The following PHKB variants were observed in gnomAD, a reference collection of about 807,000 sequenced individuals.
PHKB encodes phosphorylase b kinase regulatory subunit beta.
In PHKB, 122 loss-of-function variants were observed where a neutral mutation model predicts 152.1. That is an observed-to-expected ratio of 0.80 (90% CI 0.69 to 0.93). PHKB has a LOEUF of 0.93. PHKB is among the 40% of genes least tolerant of loss of function. The probability of loss-of-function intolerance (pLI) is 0.00; values close to 1 mark genes in which losing one functional copy is unlikely to be tolerated. For missense variants in PHKB, 1,304 were observed against 1,328.4 expected, an observed-to-expected ratio of 0.98 and a Z score of 0.29; for synonymous variants, 436 against 464.9, an observed-to-expected ratio of 0.94 and a Z score of 0.80.
chr16:47,555,638 TGA>T (rs1276977792), intron 7 of PHKB, among the ~76,000 whole-genome samples: 1 of 152,244 alleles, frequency 6.6e-6, no homozygotes, highest in Non-Finnish European at 1.5e-5. Context: ...TTTAGTTTCT[TGA>T]GAGTGTCTTG....
chr16:47,523,027 TTCTC>T (rs1970711944), intron 6 of PHKB, among the ~76,000 whole-genome samples: 1 of 151,844 alleles, frequency 6.6e-6, no homozygotes, highest in African/African-American at 2.4e-5. Context: ...TGTGACATCT[TTCTC>T]AGGAGTTCCT....
chr16:47,508,833 C>T (rs926941567), intron 4 of PHKB, among the ~76,000 whole-genome samples: 1 of 152,092 alleles, frequency 6.6e-6, no homozygotes, highest in Non-Finnish European at 1.5e-5. Flanking sequence ...ATACAGCATG[C>T]CCCATTAATC....
At chr16:47,623,931 T>G (rs1360871052) in intron 14 of PHKB, among the ~76,000 whole-genome samples, 2 of 152,204 alleles carry the variant, frequency 1.3e-5, no homozygotes, top group African/African-American at 4.8e-5. Context: ...TTCTGTTGTG[T>G]CCTATACTTC....
chr16:47,529,885 C>T (rs773387249), intron 6 of PHKB: 2 of 152,090 alleles, frequency 1.3e-5, no homozygotes, highest in African/African-American at 4.8e-5. Flanking sequence ...AAAATGGGAA[C>T]ATCCGTTAGT....
intron 1 of PHKB, among the ~76,000 whole-genome samples, chr16:47,479,202 G>A (rs1169403307): frequency 6.6e-6 from 1 of 152,182 alleles, no homozygotes; most frequent in Non-Finnish European, 1.5e-5. Flanking sequence ...GTGGAGAACT[G>A]ATTGTGATTG....
Position 47,588,795 on chromosome 16 carries a change from T to C in PHKB, c.871-110T>C, listed in dbSNP as rs1971978082. On this transcript the variant is annotated intron_variant, in intron 9 of 30. Transcript: ENST00000323584. ...GTCTGATCCTGGGAGCAGAGCGTGC[T>C]CACTTTTGACTGCATAACCTCACTG... 7 of 882,330 alleles carry C rather than the reference T, an allele frequency of 7.9e-6. No individual in the cohort carries two copies. The Admixed American group carries it at 1.1e-4, about 14-fold the overall frequency. 54.7% of individuals were successfully genotyped at this position (882,330 alleles called of 1,614,324 possible). A position where few individuals can be genotyped will look rare whatever the true frequency, so the allele number is the denominator to read the frequency against.
chr16:47,580,231 A>G, intron 7 of PHKB, 64 bp from the exon 8 acceptor site: 2 of 1,220,954 alleles, frequency 1.6e-6, no homozygotes, highest in Non-Finnish European at 2.4e-6. Flanking sequence ...TATTCATCAG[A>G]TAATGGTTCT....
At chr16:47,651,704 G>A (rs1032815511) in intron 20 of PHKB, among the ~76,000 whole-genome samples, 4 of 152,102 alleles carry the variant, frequency 2.6e-5, no homozygotes, top group African/African-American at 7.2e-5. Flanking sequence ...CATAGTAGGT[G>A]CTCAGTATTA....
intron 4 of PHKB, among the ~76,000 whole-genome samples, chr16:47,507,351 A>G (rs1970438006): frequency 6.6e-6 from 1 of 152,010 alleles, no homozygotes; most frequent in Non-Finnish European, 1.5e-5. Context: ...GATGTAGACC[A>G]TTAGCACCTG....
intron 1 of PHKB, among the ~76,000 whole-genome samples, chr16:47,490,956 A>G (rs1970140074): frequency 6.6e-6 from 1 of 152,194 alleles, no homozygotes; most frequent in African/African-American, 2.4e-5. Context: ...CTAATTCAAA[A>G]CAATTCTTTA....
chr16:47,650,679 G>A lies in PHKB; in HGVS notation c.1880+53G>A, dbSNP rs138169031. On this transcript the variant is annotated intron_variant, in intron 19 of 30. Transcript: ENST00000323584. ...TGTGTCTCACTGACATGAACACAGT[G>A]AGCCCTTGGGAAGAAAGGCCTCCTT... 759 of 1,338,582 alleles carry A rather than the reference G, an allele frequency of 5.7e-4. 4 individuals are homozygous for A. In the African/African-American group the frequency reaches 9.5e-3, roughly 17 times the overall value. The allele number at this position is 1,338,582 out of a possible 1,614,324, so 82.9% of individuals were successfully genotyped here.
intron 14 of PHKB, among the ~76,000 whole-genome samples, chr16:47,623,343 C>T (rs1391569537): frequency 6.6e-6 from 1 of 151,848 alleles, no homozygotes; most frequent in South Asian, 2.1e-4. Context: ...TTCAACATTT[C>T]GGATATATTT....
chr16:47,496,401 A>C (rs1331906292), intron 1 of PHKB, among the ~76,000 whole-genome samples: 3 of 152,096 alleles, frequency 2.0e-5, no homozygotes, highest in African/African-American at 7.2e-5. Flanking sequence ...CCTTGGCTTT[A>C]AACTAGCGTG....
At chr16:47,571,920 C>G (rs1043717421) in intron 7 of PHKB, among the ~76,000 whole-genome samples, 18 of 152,106 alleles carry the variant, frequency 1.2e-4, no homozygotes, top group Middle Eastern at 3.2e-3. Flanking sequence ...ACTCCCCATT[C>G]CCATGGGAAT....
intron 1 of PHKB, among the ~76,000 whole-genome samples, chr16:47,487,701 T>C (rs2151636913): frequency 6.6e-6 from 1 of 152,334 alleles, no homozygotes; most frequent in African/African-American, 2.4e-5. Context: ...TGGTATTTAG[T>C]TATCTGTCTT....
At chr16:47,642,431 GAC>G (rs1349981345) in intron 16 of PHKB, among the ~76,000 whole-genome samples, 1 of 152,158 alleles carries the variant, frequency 6.6e-6, no homozygotes, top group Non-Finnish European at 1.5e-5. Context: ...GCTCGTTAGA[GAC>G]ACGACATTGT....
chr16:47,483,166 G>A (rs779036237), intron 1 of PHKB, among the ~76,000 whole-genome samples: 5 of 150,230 alleles, frequency 3.3e-5, no homozygotes, highest in Non-Finnish European at 5.9e-5. Context: ...AGCCTCCCGA[G>A]TAGCTGGGAT....
intron 6 of PHKB, among the ~76,000 whole-genome samples, chr16:47,533,035 T>C (rs1225775994): frequency 2.0e-5 from 3 of 152,138 alleles, no homozygotes; most frequent in East Asian, 3.9e-4. Context: ...GAGGAGACCA[T>C]GGAGTGGGAA....
rs182976451 is a variant in PHKB, at chr16:47,682,178, C to G, written c.2631-6863C>G. ...TTTGTGGGTTACCCGACCTTTCTCT[C>G]TGGCTGCCCTTAACATTTTTTCTTT... On this transcript the variant is annotated intron_variant, in intron 26 of 30. Transcript: ENST00000323584. 4.6e-5 allele frequency among the ~76,000 whole-genome samples: 7 copies of G among 152,330 alleles called. No individual in the cohort carries two copies. In the East Asian group the frequency reaches 1.2e-3, roughly 25 times the overall value.
Sources: gnomAD v4.1 joint callset for allele counts (sites outside exome capture counted in the v4.1 genomes callset) on GRCh38, gnomAD v4.1.1 for gene constraint, MANE v1.5 for transcripts, NCBI Gene and HGNC (gene_info 2026-07-23, HGNC 2026-07-21) for gene names.